The following PACS2 variants were observed in gnomAD, a reference collection of about 807,000 sequenced individuals.
PACS2 encodes PACS1-like protein.
In PACS2, 36 loss-of-function variants were observed where a neutral mutation model predicts 113.0. That is an observed-to-expected ratio of 0.32 (90% CI 0.24 to 0.42). The LOEUF is 0.42. Among genes scored for constraint, PACS2 ranks in the 10% least tolerant of loss-of-function variants. PACS2 has a pLI of 1.00. For missense variants in PACS2, 1,015 were observed against 1,239.5 expected, an observed-to-expected ratio of 0.82 and a Z score of 2.72; for synonymous variants, 589 against 536.1, an observed-to-expected ratio of 1.10 and a Z score of -1.36.
rs1230302448 is a variant in PACS2, at chr14:105,395,411, C to G, written c.*739C>G. On this transcript the variant is annotated 3_prime_UTR_variant, in exon 25 of 25. Coordinates refer to ENST00000447393, the MANE Select transcript of PACS2 (RefSeq NM_001100913.3). ...TTCTGCGTGTAGTCCCTGCCCCAAA[C>G]TTAGCAAGCACAGGGGCCTCCACAG... 2 of 151,428 alleles carry G rather than the reference C, an allele frequency of 1.3e-5. No homozygotes were observed. Among genetic ancestry groups the G allele is most frequent in the Non-Finnish European group, 2.9e-5 (2 of 67,938 alleles). The allele number at this position is 151,428 out of a possible 1,614,324, so 9.4% of individuals were successfully genotyped here.
At chr14:105,310,086 G>A (rs909500138), upstream of PACS2, among the ~76,000 whole-genome samples, 1 of 151,738 alleles carries the variant, frequency 6.6e-6, no homozygotes, top group Non-Finnish European at 1.5e-5. Context: ...ACCCAGCCAT[G>A]TGCATCTTTT....
rs1039169778 is a variant in PACS2 at position 105,355,833 on chromosome 14, G to C, written c.423+656G>C. ...AGAAGACACCCCAGGCTGAGGCCTC[G>C]GACTTTCTCATGGACCCTTTCGGGG... On this transcript the variant is annotated intron_variant, in intron 4 of 24. Transcript: ENST00000447393. This position sits in a 1 kb window ranked among gnomAD's most constrained non-coding sequence, Gnocchi z 4.1. 6.6e-6 allele frequency among the ~76,000 whole-genome samples: 1 copy of C among 152,160 alleles called. No individual in the cohort carries two copies. The highest frequency in any genetic ancestry group is 1.5e-5 in the Non-Finnish European group (1 of 68,028).
chr14:105,319,297 A>G (rs957047900), intron 1 of PACS2, among the ~76,000 whole-genome samples: 1 of 152,244 alleles, frequency 6.6e-6, no homozygotes, highest in Non-Finnish European at 1.5e-5. Context: ...TATAATTGGA[A>G]GTTCTTTAAC....
upstream of PACS2, among the ~76,000 whole-genome samples, chr14:105,311,059 T>G (rs1249880417): frequency 6.6e-6 from 1 of 152,098 alleles, no homozygotes; most frequent in Non-Finnish European, 1.5e-5. Context: ...TTCAAGCGAT[T>G]CTCCTGCCTC....
intron 1 of PACS2, among the ~76,000 whole-genome samples, chr14:105,344,271 G>T (rs112976158): frequency 0.096 from 14,352 of 150,220 alleles, 2,340 homozygotes; most frequent in African/African-American, 0.33. Context: ...GTTTTGTTTT[G>T]TTTTTGGAAG....
intron 1 of PACS2, among the ~76,000 whole-genome samples, chr14:105,302,668 C>T (rs1025226098): frequency 1.1e-4 from 17 of 152,204 alleles, no homozygotes; most frequent in African/African-American, 4.1e-4. Flanking sequence ...TCACTGCAGA[C>T]TCTACCTCCT....
In PACS2 at chr14:105,384,998, G is replaced by A. The variant is rs111598646; in HGVS notation, c.2000+11G>A. On this transcript the variant is annotated intron_variant, in intron 18 of 24. Coordinates refer to ENST00000447393, the MANE Select transcript of PACS2 (RefSeq NM_001100913.3). ...CTACAAGCAGAAGAGGTAACGCGGT[G>A]GGCCCAGGCACCATACCACAGGCTG... 4.0e-6 allele frequency: 6 copies of A among 1,495,564 alleles called. No homozygotes were observed. The highest frequency in any genetic ancestry group is 3.8e-5 in the Admixed American group (2 of 51,962). The allele number at this position is 1,495,564 out of a possible 1,614,324, so 92.6% of individuals were successfully genotyped here. A position where few individuals can be genotyped will look rare whatever the true frequency, so the allele number is the denominator to read the frequency against.
Position 105,392,721 on chromosome 14 carries a change from C to T in PACS2, c.2358C>T (p.Val786=), listed in dbSNP as rs782008076. ...KRDAEKKDLP[V]TKNTLKCTFR... ...ACGCCGAGAAGAAGGACCTGCCTGT[C>T]ACCAAAAACACGCTCAAGTGCACTT... Residue 786 remains valine (V), a synonymous_variant, in exon 23 of 25, where the codon GTC becomes GTT. Coordinates refer to ENST00000447393, the MANE Select transcript of PACS2 (RefSeq NM_001100913.3). The T allele has an allele frequency of 6.2e-7, 1 of 1,612,972 alleles. No individual in the cohort carries two copies. The highest frequency in any genetic ancestry group is 8.5e-7 in the Non-Finnish European group (1 of 1,179,980).
At chr14:105,342,274 A>G (rs201980296) in intron 1 of PACS2, among the ~76,000 whole-genome samples, 2,302 of 122,568 alleles carry the variant, frequency 0.019, 59 homozygotes, top group African/African-American at 0.069. Flanking sequence ...GTGTGTGTCT[A>G]TGTGTGAGAG....
At chr14:105,320,218 C>CT (rs2058836370) in intron 1 of PACS2, among the ~76,000 whole-genome samples, 1 of 152,108 alleles carries the variant, frequency 6.6e-6, no homozygotes, top group African/African-American at 2.4e-5. Context: ...CCTTGTTATC[C>CT]GTCCACCTCA....
At chr14:105,393,041 C>T (rs903427007) in intron 23 of PACS2, among the ~76,000 whole-genome samples, 181 bp from the exon 24 acceptor site, 4 of 152,194 alleles carry the variant, frequency 2.6e-5, no homozygotes, top group African/African-American at 4.8e-5. Context: ...GAGCCTCAGG[C>T]GGAGGCCAGC....
In PACS2 at chr14:105,348,481, C is replaced by T. The variant is rs2060027068; in HGVS notation, c.120-12C>T. 5 of 1,602,026 alleles carry T rather than the reference C, an allele frequency of 3.1e-6. No homozygotes were observed. The highest frequency in any genetic ancestry group is 1.3e-5 in the African/African-American group (1 of 74,754). ...GCGGAGCCCCGAGGCTGAGCTGTGC[C>T]TTGCCTCACAGGTTGTGCAGCCTGA... On this transcript the variant is annotated splice_polypyrimidine_tract_variant and intron_variant, in intron 1 of 24. Transcript: ENST00000447393. The surrounding 1 kb of genome is among the most constrained non-coding windows in gnomAD (Gnocchi z 6.4).
At chr14:105,369,955 C>A in intron 8 of PACS2, 55 bp downstream of exon 8, 2 of 1,460,116 alleles carry the variant, frequency 1.4e-6, no homozygotes, top group South Asian at 1.2e-5. Context: ...AGCACCTGGT[C>A]GGGAGGAGGC....
chr14:105,390,025 G>A (rs782043496), intron 20 of PACS2, 22 bp downstream of exon 20: 5 of 1,611,150 alleles, frequency 3.1e-6, no homozygotes, highest in Non-Finnish European at 4.2e-6. Context: ...CCAGCTTTAT[G>A]TGATGGGAAA....
At chr14:105,378,735 C>A (rs926961200) in intron 9 of PACS2, among the ~76,000 whole-genome samples, 5 of 152,228 alleles carry the variant, frequency 3.3e-5, no homozygotes, top group Non-Finnish European at 5.9e-5. Flanking sequence ...CTTGAAAGGT[C>A]TTTTAAGTCT....
At chr14:105,337,412 T>C (rs1235077923) in intron 1 of PACS2, among the ~76,000 whole-genome samples, 1 of 152,184 alleles carries the variant, frequency 6.6e-6, no homozygotes, top group Admixed American at 6.5e-5. Flanking sequence ...ACCTGCACAC[T>C]GAAAAATGGT....
intron 19 of PACS2, among the ~76,000 whole-genome samples, chr14:105,387,389 G>A (rs782352153): frequency 6.6e-6 from 1 of 152,228 alleles, no homozygotes; most frequent in Non-Finnish European, 1.5e-5. Flanking sequence ...CCCGTGCAGC[G>A]CATGGGTGGA....
intron 1 of PACS2, among the ~76,000 whole-genome samples, chr14:105,326,802 G>A (rs191522680): frequency 1.2e-3 from 189 of 152,248 alleles, no homozygotes; most frequent in African/African-American, 4.1e-3. Context: ...TTCACCCTGC[G>A]GCCAGGACTC....
chr14:105,362,780 G>GTTCTC (rs2060778833), intron 4 of PACS2, among the ~76,000 whole-genome samples: 1 of 152,136 alleles, frequency 6.6e-6, no homozygotes, highest in Non-Finnish European at 1.5e-5. Flanking sequence ...GAACCTGGGA[G>GTTCTC]GCAGAGGTTG....
Sources: gnomAD v4.1 joint callset for allele counts (sites outside exome capture counted in the v4.1 genomes callset) on GRCh38, gnomAD v4.1.1 for gene constraint, Gnocchi (gnomAD v3.1) non-coding constraint, MANE v1.5 for transcripts, NCBI Gene and HGNC (gene_info 2026-07-23, HGNC 2026-07-21) for gene names.